The following KIFC3 variants were observed in gnomAD, a reference collection of about 807,000 sequenced individuals.
The protein encoded by KIFC3 is kinesin-like protein KIFC3.
In KIFC3, 60 loss-of-function variants were observed where a neutral mutation model predicts 101.8. The ratio of observed to expected loss-of-function variants is 0.59; its 90% CI spans 0.48 to 0.73. The LOEUF is 0.73. Ranked by LOEUF, KIFC3 falls within the 30% of genes least tolerant of loss-of-function variation. The pLI, the probability that KIFC3 is intolerant of heterozygous loss-of-function variation, is 0.00. For missense variants in KIFC3, 966 were observed against 1,137.1 expected (o/e 0.85, Z 2.16); for synonymous variants, 476 against 482.7 (o/e 0.99, Z 0.18).
Position 57,760,780 on chromosome 16 carries a change from G to A in KIFC3, c.2178C>T (p.Thr726=). ...GHVPFRNSKL[T]YLLQDSLSGD... ...CACTAAGCGAATCCTGCAGCAGGTA[G>A]GTGAGCTTGGAGTTGCGGAAGGGCA... The change falls in exon 16 of 20, where the codon ACC becomes ACT. Residue 726 remains threonine, a synonymous_variant. Coordinates refer to ENST00000445690, the MANE Select transcript of KIFC3 (RefSeq NM_001130100.2). 1 of 1,613,876 alleles carries A rather than the reference G, an allele frequency of 6.2e-7. No homozygotes were observed. The highest frequency in any genetic ancestry group is 8.5e-7 in the Non-Finnish European group (1 of 1,180,010).
At position 57,769,926 on chromosome 16, in the gene KIFC3, C is replaced by A. The variant is rs781817922; in HGVS notation, c.969G>T (p.Arg323=). Residue 323 remains arginine (R), a synonymous_variant, in exon 8 of 20, where the codon CGG becomes CGT. Coordinates refer to ENST00000445690, the MANE Select transcript of KIFC3 (RefSeq NM_001130100.2). This position sits in a 1 kb window ranked among gnomAD's most constrained non-coding sequence, Gnocchi z 4.3. ...QIAMYESELE[R]AHGQMLEEMQ... Reference sequence around the variant, plus strand: ...TCTCCTCCAGCATCTGCCCATGGGCCCGCTCCAGCTCTGACTCGTACATGG... The same window carrying A: ...TCTCCTCCAGCATCTGCCCATGGGCACGCTCCAGCTCTGACTCGTACATGG... 1 of 1,613,504 alleles carries A rather than the reference C, an allele frequency of 6.2e-7. No individual in the cohort carries two copies. Among genetic ancestry groups the A allele is most frequent in the Non-Finnish European group, 8.5e-7 (1 of 1,180,024 alleles).
At position 57,758,538 on chromosome 16, in the gene KIFC3, C is replaced by A. The variant is rs973348606; in HGVS notation, c.*396G>T. ...GTCTGCCCAGAGGCTCCTCGCCCAC[C>A]CCCTAAGGAGGGGGCTGGCCAGCTC... On this transcript the variant is annotated 3_prime_UTR_variant, in exon 20 of 20. Transcript: ENST00000445690. 1 of 589,556 alleles carries A rather than the reference C, an allele frequency of 1.7e-6. No homozygotes were observed. Among genetic ancestry groups the A allele is most frequent in the Non-Finnish European group, 3.2e-6 (1 of 315,746 alleles). 36.5% of individuals were successfully genotyped at this position (589,556 alleles called of 1,614,324 possible).
At chr16:57,783,165 G>A (rs181618654) in intron 3 of KIFC3, among the ~76,000 whole-genome samples, 4 of 152,262 alleles carry the variant, frequency 2.6e-5, no homozygotes, top group Non-Finnish European at 5.9e-5. Context: ...AGGAAAAAGT[G>A]TTTTCAAAAA....
intron 1 of KIFC3, among the ~76,000 whole-genome samples, chr16:57,840,017 G>A (rs1304965315): frequency 6.6e-6 from 1 of 152,100 alleles, no homozygotes; most frequent in Non-Finnish European, 1.5e-5. Context: ...CCCAGTCTCA[G>A]TAAATGGCCA....
chr16:57,781,687 G>A (rs79949875), intron 3 of KIFC3, among the ~76,000 whole-genome samples: 7,189 of 152,316 alleles, frequency 0.047, 309 homozygotes, highest in East Asian at 0.14. Context: ...ATGGAGCCCC[G>A]TTAACTGAGT....
chr16:57,817,016 G>A (rs2055242188), intron 1 of KIFC3: 5 of 319,608 alleles, frequency 1.6e-5, no homozygotes, highest in South Asian at 1.2e-4. Flanking sequence ...TCATTTCCTG[G>A]GGCTGCCGTC....
intron 1 of KIFC3, among the ~76,000 whole-genome samples, chr16:57,844,549 G>A (rs1369672591): frequency 6.6e-6 from 1 of 152,152 alleles, no homozygotes; most frequent in South Asian, 2.1e-4. Flanking sequence ...TGGGGAGGGG[G>A]ATTGGAGTTC....
intron 3 of KIFC3, among the ~76,000 whole-genome samples, chr16:57,777,851 A>G (rs1341277102): frequency 1.3e-5 from 2 of 152,266 alleles, no homozygotes; most frequent in Non-Finnish European, 2.9e-5. Flanking sequence ...ATATGGTTAA[A>G]TGATTTTTGA....
In KIFC3 at chr16:57,759,578, T is replaced by TG; in HGVS notation, c.2476+149dup. Reference sequence around the variant, plus strand: ...AGCACTGTCTGCCCTGACTACTGCCTGGGGGCAGGGGAGGTTGTAAAACAG... The same window carrying TG: ...AGCACTGTCTGCCCTGACTACTGCCTGGGGGGCAGGGGAGGTTGTAAAACAG... On this transcript the variant is annotated intron_variant, in intron 18 of 19. Transcript: ENST00000445690. 3 of 620,402 alleles carry TG rather than the reference T, an allele frequency of 4.8e-6. No homozygotes were observed. In the South Asian group the frequency reaches 6.2e-5, roughly 13 times the overall value. 38.4% of individuals were successfully genotyped at this position (620,402 alleles called of 1,614,324 possible).
chr16:57,787,300 C>T (rs1336451843), intron 3 of KIFC3, among the ~76,000 whole-genome samples: 7 of 152,136 alleles, frequency 4.6e-5, no homozygotes, highest in Non-Finnish European at 1.0e-4. Context: ...GAGCCTTGCC[C>T]GAAAGGAGCC....
intron 1 of KIFC3, among the ~76,000 whole-genome samples, chr16:57,828,261 G>A (rs1555631132): frequency 1.3e-5 from 2 of 152,256 alleles, no homozygotes. Flanking sequence ...CTGTGAGGTA[G>A]GAAGCGTGCT....
intron 3 of KIFC3, among the ~76,000 whole-genome samples, chr16:57,786,219 C>CCTGGATATATA (rs2053307622): frequency 6.6e-6 from 1 of 152,150 alleles, no homozygotes. Context: ...ACACATGGAG[C>CCTGGATATATA]AAGAACTCAG....
chr16:57,797,891 A>C, intron 2 of KIFC3, 181 bp downstream of exon 2: 1 of 1,471,726 alleles, frequency 6.8e-7, no homozygotes, highest in Admixed American at 2.5e-5. Flanking sequence ...GGCGCAGGGA[A>C]GGAGCGCCCG....
intron 9 of KIFC3, among the ~76,000 whole-genome samples, chr16:57,768,522 C>CACACACACACACACAT (rs2050751041): frequency 6.6e-6 from 1 of 151,486 alleles, no homozygotes; most frequent in African/African-American, 2.4e-5. Flanking sequence ...CACACACACA[C>CACACACACACACACAT]ACACACACAC....
intron 1 of KIFC3, among the ~76,000 whole-genome samples, chr16:57,814,996 G>A (rs2055187777): frequency 6.6e-6 from 1 of 152,162 alleles, no homozygotes; most frequent in Non-Finnish European, 1.5e-5. Context: ...ATTCAAATAT[G>A]GCTGGAACTG....
At chr16:57,818,727 G>A (rs781922402) in intron 1 of KIFC3, among the ~76,000 whole-genome samples, 7 of 152,158 alleles carry the variant, frequency 4.6e-5, no homozygotes, top group Admixed American at 1.3e-4. Flanking sequence ...TGGAGACCTC[G>A]TGGGAACGTT....
At chr16:57,772,936 G>T (rs1201579299) in intron 3 of KIFC3, among the ~76,000 whole-genome samples, 14 of 152,210 alleles carry the variant, frequency 9.2e-5, no homozygotes, top group African/African-American at 3.4e-4. Context: ...CGGTTACCTA[G>T]CTTATCCGGA....
At chr16:57,823,103 G>T (rs1486772529) in intron 1 of KIFC3, among the ~76,000 whole-genome samples, 1 of 152,100 alleles carries the variant, frequency 6.6e-6, no homozygotes, top group Admixed American at 6.5e-5. Flanking sequence ...AAGTCGACCA[G>T]CATTAACATC....
Position 57,758,776 on chromosome 16 carries a change from G to T in KIFC3, c.*158C>A. The T allele has an allele frequency of 8.8e-7, 1 of 1,137,288 alleles. No individual in the cohort carries two copies. The highest frequency in any genetic ancestry group is 1.2e-5 in the South Asian group (1 of 81,756). The allele number at this position is 1,137,288 out of a possible 1,614,324, so 70.4% of individuals were successfully genotyped here. On this transcript the variant is annotated 3_prime_UTR_variant, in exon 20 of 20. Transcript: ENST00000445690. ...ATGTTTCTCATCTTTGAGGGGAGAC[G>T]GGGCAGAAGAAGAGCCTCCACTCTC...
Sources: gnomAD v4.1 joint callset for allele counts (sites outside exome capture counted in the v4.1 genomes callset) on GRCh38, gnomAD v4.1.1 for gene constraint, Gnocchi (gnomAD v3.1) non-coding constraint, MANE v1.5 for transcripts, NCBI Gene and HGNC (gene_info 2026-07-23, HGNC 2026-07-21) for gene names.